The following TSHR variants were observed in gnomAD, a reference collection of about 807,000 sequenced individuals.
TSHR encodes thyroid stimulating hormone receptor, also known as thyrotropin receptor.
In TSHR, 51 loss-of-function variants were observed where a neutral mutation model predicts 64.1. The observed-to-expected ratio is 0.80, with a 90% CI of 0.64 to 1.01. TSHR has a LOEUF of 1.01. Ranked by LOEUF, TSHR falls within the 50% of genes least tolerant of loss-of-function variation. The pLI is 0.00. For synonymous variants in TSHR, 361 were observed against 361.9 expected, an observed-to-expected ratio of 1.00 and a Z score of 0.03; for missense variants, 877 against 942.8, an observed-to-expected ratio of 0.93 and a Z score of 0.91.
intron 1 of TSHR, among the ~76,000 whole-genome samples, chr14:80,978,579 C>A (rs1228491419): frequency 2.6e-5 from 4 of 152,242 alleles, no homozygotes; most frequent in Non-Finnish European, 5.9e-5. Flanking sequence ...AAGCCAGGCT[C>A]TAGCACCACT....
In TSHR at chr14:81,056,159, AT is replaced by A. The variant is rs566565282; in HGVS notation, c.171-5987del. 1.1e-3 allele frequency among the ~76,000 whole-genome samples: 172 copies of A among 152,232 alleles called. No individual in the cohort carries two copies. In the East Asian group the frequency reaches 0.012, roughly 11 times the overall value. ...AGTTTCCCTGCACAAGCTCTCTCTC[AT>A]TACCTGCTGCCATCCATGTAAGACA... is the stretch of plus-strand genomic sequence containing the variant. On this transcript the variant is annotated intron_variant, in intron 1 of 9. Coordinates refer to ENST00000298171, the MANE Select transcript of TSHR (RefSeq NM_000369.5).
At chr14:80,986,908 T>C (rs1566750269) in intron 1 of TSHR, among the ~76,000 whole-genome samples, 1 of 152,368 alleles carries the variant, frequency 6.6e-6, no homozygotes, top group East Asian at 1.9e-4. Context: ...CCACAGTGTC[T>C]TGCACAAAGT....
At chr14:81,108,047 T>C (rs1369628312) in intron 7 of TSHR, among the ~76,000 whole-genome samples, 4 of 152,144 alleles carry the variant, frequency 2.6e-5, no homozygotes, top group Admixed American at 2.6e-4. Context: ...TTACAGAGGA[T>C]TGGCATTAAA....
chr14:81,045,589 C>G (rs570942558), intron 1 of TSHR, among the ~76,000 whole-genome samples: 1 of 152,088 alleles, frequency 6.6e-6, no homozygotes, highest in South Asian at 2.1e-4. Context: ...TTCCCCCTCA[C>G]GTGTCCATGT....
intron 1 of TSHR, among the ~76,000 whole-genome samples, chr14:81,019,162 C>T (rs1274282924): frequency 6.6e-6 from 1 of 151,860 alleles, no homozygotes; most frequent in Non-Finnish European, 1.5e-5. Flanking sequence ...TGGCAAAACC[C>T]ATCTCTACTA....
intron 2 of TSHR, among the ~76,000 whole-genome samples, chr14:81,067,760 A>C (rs981390338): frequency 2.7e-5 from 4 of 148,300 alleles, no homozygotes; most frequent in African/African-American, 1.0e-4. Context: ...TCCTCAAAAT[A>C]GCAAAAATAA....
At chr14:81,024,342 G>C (rs534672082) in intron 1 of TSHR, among the ~76,000 whole-genome samples, 2 of 151,916 alleles carry the variant, frequency 1.3e-5, no homozygotes, top group Non-Finnish European at 2.9e-5. Flanking sequence ...TCCACCTTCC[G>C]GGTTCAAGCG....
chr14:81,047,461 A>G (rs1885220599), intron 1 of TSHR, among the ~76,000 whole-genome samples: 2 of 152,214 alleles, frequency 1.3e-5, no homozygotes, highest in Admixed American at 1.3e-4. Context: ...AAATGCCTTA[A>G]GACAATTAGG....
At chr14:80,975,266 AACACAAATG>A (rs1034681874) in intron 1 of TSHR, among the ~76,000 whole-genome samples, 8 of 152,182 alleles carry the variant, frequency 5.3e-5, no homozygotes, top group Non-Finnish European at 1.0e-4. Context: ...AAAACAAAGC[AACACAAATG>A]AAGTATTTCA....
intron 1 of TSHR, among the ~76,000 whole-genome samples, chr14:80,970,052 C>T (rs1374593398): frequency 6.6e-6 from 1 of 152,190 alleles, no homozygotes; most frequent in Non-Finnish European, 1.5e-5. Context: ...TCCTTTAGGG[C>T]CACCCTTGAG....
At chr14:81,091,270 G>A (rs1888714326) in intron 5 of TSHR, 127 bp downstream of exon 5, 3 of 847,614 alleles carry the variant, frequency 3.5e-6, no homozygotes, top group Non-Finnish European at 5.9e-6. Flanking sequence ...ATGATCAGGT[G>A]TGACTACACT....
chr14:81,000,923 G>A (rs1051740681), intron 1 of TSHR, among the ~76,000 whole-genome samples: 8 of 152,154 alleles, frequency 5.3e-5, no homozygotes, highest in Non-Finnish European at 1.0e-4. Flanking sequence ...CAGCTGGCAG[G>A]GAGAGGCAGA....
At chr14:81,032,986 G>A (rs980841487) in intron 1 of TSHR, 1 of 351,360 alleles carries the variant, frequency 2.8e-6, no homozygotes, top group Non-Finnish European at 5.6e-6. Context: ...TGCACCAAAA[G>A]TCAAGCTGCT....
intron 8 of TSHR, among the ~76,000 whole-genome samples, chr14:81,119,140 A>G (rs1170214531): frequency 7.1e-3 from 784 of 110,526 alleles, no homozygotes; most frequent in South Asian, 0.018. Context: ...TGTCTAAAAC[A>G]CCAAAAGCAA....
intron 3 of TSHR, among the ~76,000 whole-genome samples, chr14:81,084,380 A>G (rs1241715472): frequency 6.6e-6 from 1 of 151,998 alleles, no homozygotes; most frequent in East Asian, 1.9e-4. Context: ...GATAAAATAA[A>G]AAGTGAAAAT....
At chr14:80,998,821 G>T (rs1200478492) in intron 1 of TSHR, among the ~76,000 whole-genome samples, 1 of 152,040 alleles carries the variant, frequency 6.6e-6, no homozygotes, top group Non-Finnish European at 1.5e-5. Flanking sequence ...AATAATTTTT[G>T]TCTCTTTTGT....
intron 1 of TSHR, among the ~76,000 whole-genome samples, chr14:81,059,548 GA>G (rs1483943267): frequency 2.6e-5 from 4 of 152,018 alleles, no homozygotes; most frequent in African/African-American, 9.7e-5. Context: ...TAACATTATT[GA>G]AATCAGTATT....
chr14:80,959,613 A>C (rs1050022411), intron 1 of TSHR: 16 of 152,216 alleles, frequency 1.1e-4, no homozygotes, highest in African/African-American at 3.9e-4. Flanking sequence ...TCATTATGAC[A>C]GTAACTGCTA....
At chr14:81,094,678 A>ACTTTTTTTTTTTTTTTTTTT (rs1889012799) in intron 6 of TSHR, among the ~76,000 whole-genome samples, 1 of 78,524 alleles carries the variant, frequency 1.3e-5, no homozygotes, top group African/African-American at 6.7e-5. Flanking sequence ...TTATTTTTTT[A>ACTTTTTTTTTTTTTTTTTTT]ATTTTTTTTT....
Sources: allele counts gnomAD v4.1 joint callset (sites outside exome capture counted in the v4.1 genomes callset), GRCh38; gene constraint gnomAD v4.1.1; transcripts MANE v1.5; gene names NCBI Gene and HGNC (gene_info 2026-07-23, HGNC 2026-07-21).